The following TGDS variants were observed in gnomAD, a reference collection of about 807,000 sequenced individuals.
TGDS encodes the protein TDP-glucose 4,6-dehydratase.
TGDS carries 47 observed loss-of-function variants against 52.3 expected under a neutral mutation model. The observed-to-expected ratio is 0.90, with a 90% CI of 0.71 to 1.15. TGDS has a LOEUF of 1.15. Ranked by LOEUF, TGDS falls within the 50% of genes most tolerant of loss-of-function variation. The pLI is 0.00. For missense variants in TGDS, 375 were observed against 418.4 expected (o/e 0.90, Z 0.90); for synonymous variants, 115 against 136.9 (o/e 0.84, Z 1.12).
Position 94,590,919 on chromosome 13 carries a change from C to A in TGDS, c.247G>T (p.Val83Leu). Residue 83 changes from valine (V) to leucine (L), a missense_variant, in exon 4 of 12, where the codon GTG becomes TTG. Coordinates refer to ENST00000261296, the MANE Select transcript of TGDS (RefSeq NM_014305.4). ...TTCTCTGTTTCAAAAAGCAGTTTCA[C>A]AAAGTGAGAATCACATATGTCACCC... ...IQGDICDSHFVKLLFETEKID... is the reference protein window; with the variant it reads ...IQGDICDSHFLKLLFETEKID... 1 of 1,572,056 alleles carries A rather than the reference C, an allele frequency of 6.4e-7. No homozygotes were observed. Among genetic ancestry groups the A allele is most frequent in the Admixed American group, 2.0e-5 (1 of 49,790 alleles).
intron 1 of TGDS, among the ~76,000 whole-genome samples, chr13:94,595,364 A>G (rs1381522627): frequency 1.3e-5 from 2 of 152,186 alleles, no homozygotes; most frequent in Admixed American, 6.5e-5. Context: ...CTGAAGTAAA[A>G]TCCTGCTTCT....
In TGDS at chr13:94,577,940, T is replaced by C. The variant is rs186017750; in HGVS notation, c.825+65A>G. 2,308 of 1,507,750 alleles carry C rather than the reference T, an allele frequency of 1.5e-3. 3 individuals carry two copies. The highest frequency in any genetic ancestry group is 1.7e-3 in the Non-Finnish European group (1,897 of 1,109,152). 93.4% of individuals were successfully genotyped at this position (1,507,750 alleles called of 1,614,324 possible). On this transcript the variant is annotated intron_variant, in intron 9 of 11. Coordinates refer to ENST00000261296, the MANE Select transcript of TGDS (RefSeq NM_014305.4). ...AATTAAGTAAGCTGTATGCTTCTGATTTTGACTAATGGTCACTGCCACTAA... is the reference window on the plus strand; with the variant it reads ...AATTAAGTAAGCTGTATGCTTCTGACTTTGACTAATGGTCACTGCCACTAA...
At chr13:94,575,949 CATT>C (rs1888584404) in intron 11 of TGDS, among the ~76,000 whole-genome samples, 1 of 151,976 alleles carries the variant, frequency 6.6e-6, no homozygotes, top group South Asian at 2.1e-4. Flanking sequence ...ACTGATGGAT[CATT>C]ATTTTACATA....
At chr13:94,578,635 T>C in intron 8 of TGDS, 95 bp downstream of exon 8, 2 of 910,742 alleles carry the variant, frequency 2.2e-6, no homozygotes. Flanking sequence ...CATTCAATTC[T>C]ATGGCCTTTA....
intron 8 of TGDS, among the ~76,000 whole-genome samples, 153 bp from the exon 9 acceptor site, chr13:94,578,323 T>G (rs183373866): frequency 6.6e-4 from 101 of 152,292 alleles, no homozygotes; most frequent in African/African-American, 2.1e-3. Flanking sequence ...TTCTAAATTT[T>G]GTTCATATTT....
intron 1 of TGDS, among the ~76,000 whole-genome samples, chr13:94,594,387 G>T (rs552231034): frequency 6.6e-6 from 1 of 152,230 alleles, no homozygotes; most frequent in Non-Finnish European, 1.5e-5. Flanking sequence ...TAAGATTTTG[G>T]TAATGTTAAA....
intron 4 of TGDS, among the ~76,000 whole-genome samples, chr13:94,583,480 C>T (rs543867443): frequency 6.6e-6 from 1 of 151,882 alleles, no homozygotes; most frequent in South Asian, 2.1e-4. Flanking sequence ...GTTTTTTATT[C>T]TATAAGGAAG....
intron 9 of TGDS, 92 bp from the exon 10 acceptor site, chr13:94,577,521 T>C: frequency 1.0e-6 from 1 of 1,004,568 alleles, no homozygotes; most frequent in Non-Finnish European, 1.4e-6. Flanking sequence ...AGAAAACAAC[T>C]GCCTCATAGC....
In TGDS at chr13:94,581,156, T is replaced by C. The variant is rs767261051; in HGVS notation, c.490A>G (p.Asn164Asp). 4.4e-6 allele frequency: 7 copies of C among 1,594,252 alleles called. No homozygotes were observed. The highest frequency in any genetic ancestry group is 6.0e-6 in the Non-Finnish European group (7 of 1,169,808). ...GCTGCTTTAGATGATGCATAAGGAT[T>C]TGTAGGTTGTTTGGGTGAAGATTCA... ...FDESSPKQPT[N>D]PYASSKAAAE... Residue 164 changes from asparagine (N) to aspartate (D), a missense_variant, in exon 6 of 12, where the codon AAT becomes GAT. By Grantham distance (23) the Asn-to-Asp change is conservative. Transcript: ENST00000261296.
intron 6 of TGDS, 58 bp downstream of exon 6, chr13:94,581,033 G>A (rs1469957796): frequency 1.9e-6 from 2 of 1,040,538 alleles, no homozygotes; most frequent in African/African-American, 1.6e-5. Context: ...CTGACTTGGA[G>A]TTTTAACACT....
Position 94,580,228 on chromosome 13 carries a change from T to C in TGDS, c.556-275A>G, listed in dbSNP as rs79432384. Among the ~76,000 whole-genome samples the C allele has an allele frequency of 1.9e-3, 293 of 152,334 alleles. 3 individuals are homozygous for C. Among genetic ancestry groups the C allele is most frequent in the African/African-American group, 7.0e-3 (292 of 41,576 alleles). ...GGCACAGGTTTATAAGTCTGACTGATAGCAAAACACGGAAGAACTTTCCAG... is the reference window on the plus strand; with the variant it reads ...GGCACAGGTTTATAAGTCTGACTGACAGCAAAACACGGAAGAACTTTCCAG... On this transcript the variant is annotated intron_variant, in intron 6 of 11. Coordinates refer to ENST00000261296, the MANE Select transcript of TGDS (RefSeq NM_014305.4).
intron 10 of TGDS, 37 bp from the exon 11 acceptor site, chr13:94,576,448 A>C: frequency 7.4e-7 from 1 of 1,359,630 alleles, no homozygotes; most frequent in Non-Finnish European, 1.0e-6. Context: ...AATATTGTAG[A>C]TATATATTTA....
At position 94,585,598 on chromosome 13, in the gene TGDS, G is replaced by A. The variant is rs994014223; in HGVS notation, c.314-2362C>T. ...GGATCACCTGAGGTCAGGAGTTTGA[G>A]ACTAGTATGGCCAACATGGCAAAAC... On this transcript the variant is annotated intron_variant, in intron 4 of 11. Coordinates refer to ENST00000261296, the MANE Select transcript of TGDS (RefSeq NM_014305.4). 4.6e-5 allele frequency among the ~76,000 whole-genome samples: 7 copies of A among 151,974 alleles called. No individual in the cohort carries two copies. In the East Asian group the frequency reaches 1.4e-3, roughly 30 times the overall value.
At chr13:94,577,934 T>C in intron 9 of TGDS, 71 bp downstream of exon 9, 2 of 1,468,630 alleles carry the variant, frequency 1.4e-6, no homozygotes, top group South Asian at 2.6e-5. Context: ...AGCTGTATGC[T>C]TCTGATTTTG....
At chr13:94,590,592 C>T (rs1313071795) in intron 4 of TGDS, among the ~76,000 whole-genome samples, 1 of 152,010 alleles carries the variant, frequency 6.6e-6, no homozygotes, top group Non-Finnish European at 1.5e-5. Flanking sequence ...AGTTGACGGC[C>T]CATCTCCCCG....
At chr13:94,594,544 T>C (rs1228022850) in intron 1 of TGDS, among the ~76,000 whole-genome samples, 5 of 152,150 alleles carry the variant, frequency 3.3e-5, no homozygotes, top group Non-Finnish European at 7.3e-5. Flanking sequence ...TGAAATGATC[T>C]ACCAGATTTA....
intron 4 of TGDS, among the ~76,000 whole-genome samples, chr13:94,588,637 A>G (rs989650857): frequency 6.6e-6 from 1 of 152,152 alleles, no homozygotes; most frequent in Non-Finnish European, 1.5e-5. Context: ...AGTCCAATAA[A>G]CAAATGGAAA....
At chr13:94,596,248 A>T (rs1303069783), upstream of TGDS, 4 of 1,171,370 alleles carry the variant, frequency 3.4e-6, no homozygotes, top group Non-Finnish European at 4.8e-6. Flanking sequence ...TTAACAGAGC[A>T]GCCAGAGGCA....
intron 6 of TGDS, among the ~76,000 whole-genome samples, chr13:94,580,687 A>T (rs1348038922): frequency 6.6e-6 from 1 of 152,230 alleles, no homozygotes; most frequent in Non-Finnish European, 1.5e-5. Context: ...CTGAAATAGA[A>T]AAAAAAATGT....
Sources: gnomAD v4.1 joint callset for allele counts (sites outside exome capture counted in the v4.1 genomes callset) on GRCh38, gnomAD v4.1.1 for gene constraint, MANE v1.5 for transcripts, NCBI Gene and HGNC (gene_info 2026-07-23, HGNC 2026-07-21) for gene names.